Variants in C8orf34 observed in about 807,000 individuals in gnomAD.
C8orf34 encodes uncharacterized protein C8orf34.
Under a neutral mutation model 68.3 loss-of-function variants are expected in C8orf34, and 65 were observed. That is an observed-to-expected ratio of 0.95 (90% CI 0.78 to 1.17). The LOEUF (loss-of-function observed/expected upper bound fraction) is 1.17, where lower values mean the gene tolerates loss of function less well. Ranked by LOEUF, C8orf34 falls within the 50% of genes most tolerant of loss-of-function variation. The pLI, the probability that C8orf34 is intolerant of heterozygous loss-of-function variation, is 0.00. For synonymous variants in C8orf34, 244 were observed against 241.2 expected (o/e 1.01, Z -0.11); for missense variants, 664 against 655.4 (o/e 1.01, Z -0.14).
intron 7 of C8orf34, among the ~76,000 whole-genome samples, chr8:68,554,844 C>CT (rs1289765105): frequency 6.6e-6 from 1 of 152,018 alleles, no homozygotes; most frequent in Non-Finnish European, 1.5e-5. Flanking sequence ...ACCCACATAT[C>CT]TTTTTTAAAA....
At chr8:68,508,760 G>C (rs1814132667) in intron 5 of C8orf34, among the ~76,000 whole-genome samples, 3 of 152,144 alleles carry the variant, frequency 2.0e-5, no homozygotes, top group African/African-American at 7.2e-5. Flanking sequence ...TGACAGAAAT[G>C]CAAGAGAGCA....
At chr8:68,776,072 G>A (rs763496698) in intron 10 of C8orf34, among the ~76,000 whole-genome samples, 2 of 152,162 alleles carry the variant, frequency 1.3e-5, no homozygotes, top group Non-Finnish European at 2.9e-5. Context: ...CCTAGGTGAT[G>A]GGTTGATGGG....
intron 7 of C8orf34, among the ~76,000 whole-genome samples, chr8:68,610,361 TA>T (rs1466864490): frequency 6.6e-6 from 1 of 152,158 alleles, no homozygotes; most frequent in Non-Finnish European, 1.5e-5. Context: ...CACTTCTATA[TA>T]AACAGTGGTT....
At chr8:68,721,911 TA>T (rs1821688383) in intron 10 of C8orf34, among the ~76,000 whole-genome samples, 1 of 152,012 alleles carries the variant, frequency 6.6e-6, no homozygotes, top group African/African-American at 2.4e-5. Flanking sequence ...AAATTCTAAA[TA>T]AAAATAAATT....
chr8:68,665,162 A>G (rs1439898677), intron 8 of C8orf34, among the ~76,000 whole-genome samples: 4 of 152,230 alleles, frequency 2.6e-5, no homozygotes, highest in Non-Finnish European at 5.9e-5. Flanking sequence ...TGAACAGTCC[A>G]TTTATTTGAG....
chr8:68,555,990 A>T (rs1052936257), intron 7 of C8orf34, among the ~76,000 whole-genome samples: 10 of 152,114 alleles, frequency 6.6e-5, no homozygotes, highest in Non-Finnish European at 1.3e-4. Context: ...GCACTTTTGT[A>T]TTTGAAATGG....
At chr8:68,383,755 C>T (rs1009453476) in intron 1 of C8orf34, among the ~76,000 whole-genome samples, 13 of 152,224 alleles carry the variant, frequency 8.5e-5, no homozygotes, top group African/African-American at 2.2e-4. Context: ...GAGAATTGCT[C>T]ATTTCCTCTC....
chr8:68,737,895 C>A (rs1240161550), intron 10 of C8orf34, among the ~76,000 whole-genome samples: 3 of 151,902 alleles, frequency 2.0e-5, no homozygotes, highest in Non-Finnish European at 2.9e-5. Context: ...TATTTAGGAC[C>A]TGAACTCACT....
intron 10 of C8orf34, among the ~76,000 whole-genome samples, chr8:68,733,410 G>C (rs1342561237): frequency 6.6e-6 from 1 of 152,152 alleles, no homozygotes; most frequent in Non-Finnish European, 1.5e-5. Context: ...CTAGGCAATG[G>C]AGAGTTAGCC....
At chr8:68,693,631 TTGATACCCAAAACA>T (rs1820744758) in intron 8 of C8orf34, among the ~76,000 whole-genome samples, 2 of 152,136 alleles carry the variant, frequency 1.3e-5, no homozygotes, top group Admixed American at 6.6e-5. Flanking sequence ...AGGTACTGGT[TTGATACCCAAAACA>T]TATTTTCATA....
chr8:68,592,380 T>A (rs1365020835), intron 7 of C8orf34, among the ~76,000 whole-genome samples: 1 of 152,116 alleles, frequency 6.6e-6, no homozygotes, highest in African/African-American at 2.4e-5. Context: ...AATTCCTGGA[T>A]ATTGTATTGT....
At chr8:68,614,724 A>T (rs1050579889) in intron 7 of C8orf34, among the ~76,000 whole-genome samples, 2 of 152,184 alleles carry the variant, frequency 1.3e-5, no homozygotes, top group African/African-American at 4.8e-5. Context: ...AGGAAGCCTG[A>T]TGCCTCCAGC....
rs555028953 is a variant in C8orf34, at chr8:68,428,366, T to G, written c.328-11133T>G. ...AAAATTAAAAATATTTTGCAGAGTT[T>G]AAAATATATAGAGAGAGTTACAAGA... On this transcript the variant is annotated intron_variant, in intron 1 of 13. Coordinates refer to ENST00000518698, the MANE Select transcript of C8orf34 (RefSeq NM_052958.4). Among the ~76,000 whole-genome samples, 6 of 152,120 alleles carry G rather than the reference T, an allele frequency of 3.9e-5. No homozygotes were observed. In the East Asian group the frequency reaches 1.2e-3, roughly 29 times the overall value.
intron 1 of C8orf34, among the ~76,000 whole-genome samples, chr8:68,422,469 G>T (rs1810021673): frequency 6.6e-6 from 1 of 152,148 alleles, no homozygotes; most frequent in East Asian, 1.9e-4. Context: ...TCACATCAAG[G>T]TCATGCTGAT....
intron 7 of C8orf34, among the ~76,000 whole-genome samples, chr8:68,546,490 TA>T (rs2129997937): frequency 6.6e-6 from 1 of 151,240 alleles, no homozygotes; most frequent in Non-Finnish European, 1.5e-5. Flanking sequence ...ATACATAAAG[TA>T]AAAACTGACA....
chr8:68,397,791 C>A (rs1808780220), intron 1 of C8orf34, among the ~76,000 whole-genome samples: 1 of 151,972 alleles, frequency 6.6e-6, no homozygotes, highest in Non-Finnish European at 1.5e-5. Context: ...TTTTTTGAGA[C>A]AAAGTCTCAC....
chr8:68,511,536 A>AT (rs1814276095), intron 5 of C8orf34, among the ~76,000 whole-genome samples: 1 of 151,782 alleles, frequency 6.6e-6, no homozygotes, highest in African/African-American at 2.4e-5. Context: ...CCAGGGGAAC[A>AT]TATGTGAATT....
intron 7 of C8orf34, among the ~76,000 whole-genome samples, chr8:68,629,279 G>A (rs771592208): frequency 5.9e-5 from 9 of 152,106 alleles, no homozygotes; most frequent in Non-Finnish European, 1.3e-4. Context: ...GAAGATAGCT[G>A]TATCTCAGCA....
At chr8:68,401,115 G>GT (rs57444673) in intron 1 of C8orf34, among the ~76,000 whole-genome samples, 49,890 of 138,836 alleles carry the variant, frequency 0.36, 9,044 homozygotes, top group East Asian at 0.46. Context: ...CATATTCCTA[G>GT]TTTTTTTTTT....
Sources: gnomAD v4.1 joint callset for allele counts (sites outside exome capture counted in the v4.1 genomes callset) on GRCh38, gnomAD v4.1.1 for gene constraint, MANE v1.5 for transcripts, NCBI Gene and HGNC (gene_info 2026-07-23, HGNC 2026-07-21) for gene names.